KCNMA1: variants seen among roughly 807,000 people sequenced by gnomAD.
KCNMA1 encodes Calcium-activated potassium channel subunit alpha-1.
A neutral mutation model predicts 140.0 loss-of-function variants in KCNMA1; 29 were observed. The ratio of observed to expected loss-of-function variants is 0.21; its 90% CI spans 0.15 to 0.28. KCNMA1 has a LOEUF of 0.28. KCNMA1 is among the 10% of genes least tolerant of loss of function. KCNMA1 has a pLI of 1.00. For missense variants in KCNMA1, 880 were observed against 1,602.2 expected (o/e 0.55, Z 7.70); for synonymous variants, 612 against 611.9 (o/e 1.00, Z 0.00).
intron 1 of KCNMA1, among the ~76,000 whole-genome samples, chr10:77,415,388 G>T (rs1028831510): frequency 5.3e-5 from 8 of 152,176 alleles, no homozygotes; most frequent in Non-Finnish European, 1.2e-4. Context: ...GATGACCCTG[G>T]CAGGGTCCAA....
intron 1 of KCNMA1, among the ~76,000 whole-genome samples, chr10:77,427,742 T>C: frequency 6.6e-6 from 1 of 151,394 alleles, no homozygotes; most frequent in East Asian, 1.9e-4. Flanking sequence ...TATTTATTTA[T>C]TTATTTATTT....
At chr10:77,406,274 G>A (rs1221717300) in intron 1 of KCNMA1, among the ~76,000 whole-genome samples, 2 of 152,074 alleles carry the variant, frequency 1.3e-5, no homozygotes, top group Non-Finnish European at 2.9e-5. Context: ...GTAACTGAAG[G>A]TGTAGATTCG....
chr10:77,055,104 A>G (rs879127539), intron 14 of KCNMA1, among the ~76,000 whole-genome samples: 1 of 152,156 alleles, frequency 6.6e-6, no homozygotes, highest in Admixed American at 6.5e-5. Flanking sequence ...GGCTAAAGAG[A>G]TATCTGAGTT....
intron 1 of KCNMA1, among the ~76,000 whole-genome samples, chr10:77,536,357 C>A (rs907140651): frequency 1.3e-5 from 2 of 152,204 alleles, no homozygotes; most frequent in African/African-American, 4.8e-5. Flanking sequence ...TAGAATCAGA[C>A]AGCATGGGCT....
Position 76,969,989 on chromosome 10 carries a change from G to A in KCNMA1, c.2345C>T (p.Ser782Leu), listed in dbSNP as rs145067821. ...NGGMRNSPNTSPKLMRHDPLL... is the reference protein window; with the variant it reads ...NGGMRNSPNTLPKLMRHDPLL... Reference sequence around the variant, plus strand: ...CTCTCCTTACCTCATCAGCTTAGGCGAGGTGTTGGGTGAGTTCCGCATGCC... The same window carrying A: ...CTCTCCTTACCTCATCAGCTTAGGCAAGGTGTTGGGTGAGTTCCGCATGCC... The change falls in exon 20 of 28, where the codon TCG becomes TTG. Residue 782 changes from serine (S) to leucine (L), a missense_variant. Physicochemically the swap from Ser to Leu is moderately radical, Grantham distance 145. This residue lies in a region of KCNMA1 where 196 missense variants were observed against 233.0 expected (regional missense o/e 0.84). Transcript: ENST00000286628. 6 of 1,613,740 alleles carry A rather than the reference G, an allele frequency of 3.7e-6. No homozygotes were observed. In the African/African-American group the frequency reaches 5.3e-5, roughly 14 times the overall value.
chr10:77,235,572 T>G (rs1002953561), intron 3 of KCNMA1, among the ~76,000 whole-genome samples: 12 of 152,198 alleles, frequency 7.9e-5, no homozygotes, highest in Admixed American at 2.6e-4. Flanking sequence ...ACCCCTTTCC[T>G]CTTTCCTGTG....
At chr10:77,401,048 C>G (rs546273522) in intron 2 of KCNMA1, among the ~76,000 whole-genome samples, 1 of 152,042 alleles carries the variant, frequency 6.6e-6, no homozygotes, top group Non-Finnish European at 1.5e-5. Context: ...GTCCTATAGC[C>G]TCCAAGCTCT....
intron 1 of KCNMA1, among the ~76,000 whole-genome samples, chr10:77,624,390 A>G (rs1413336040): frequency 6.6e-6 from 1 of 152,212 alleles, no homozygotes; most frequent in Non-Finnish European, 1.5e-5. Context: ...AGAGTCACAA[A>G]AACCTATTTC....
intron 2 of KCNMA1, among the ~76,000 whole-genome samples, chr10:77,387,122 A>C (rs2095630249): frequency 6.6e-6 from 1 of 152,190 alleles, no homozygotes; most frequent in Admixed American, 6.5e-5. Flanking sequence ...GGACATAACA[A>C]ACAGGAAAAT....
intron 1 of KCNMA1, among the ~76,000 whole-genome samples, chr10:77,504,146 A>G (rs186138467): frequency 2.6e-4 from 39 of 152,292 alleles, no homozygotes; most frequent in African/African-American, 9.1e-4. Flanking sequence ...TGTTTCTTAC[A>G]CTGCCGCCAT....
chr10:77,550,886 C>T (rs1041642781), intron 1 of KCNMA1, among the ~76,000 whole-genome samples: 4 of 152,188 alleles, frequency 2.6e-5, no homozygotes, highest in African/African-American at 9.7e-5. Context: ...AGCTTCACCT[C>T]CCAGATGTAA....
At chr10:77,566,768 T>G (rs997256993) in intron 1 of KCNMA1, among the ~76,000 whole-genome samples, 1 of 152,146 alleles carries the variant, frequency 6.6e-6, no homozygotes, top group Non-Finnish European at 1.5e-5. Context: ...AGACCTACTT[T>G]CCAAATGTTC....
intron 3 of KCNMA1, among the ~76,000 whole-genome samples, chr10:77,221,395 C>T (rs2049616800): frequency 6.6e-6 from 1 of 152,034 alleles, no homozygotes; most frequent in African/African-American, 2.4e-5. Flanking sequence ...CATGAGCTAG[C>T]TGAAATTATA....
chr10:77,515,024 C>T (rs1450545818), intron 1 of KCNMA1, among the ~76,000 whole-genome samples: 2 of 152,164 alleles, frequency 1.3e-5, no homozygotes, highest in African/African-American at 2.4e-5. Flanking sequence ...GGCTCTCACC[C>T]GCTAGCTCTA....
intron 5 of KCNMA1, among the ~76,000 whole-genome samples, chr10:77,180,959 C>G (rs1473790412): frequency 6.6e-6 from 1 of 152,128 alleles, no homozygotes; most frequent in Non-Finnish European, 1.5e-5. Context: ...CTATGGATTT[C>G]AAAGCATACC....
At chr10:77,619,569 C>T (rs770721322) in intron 1 of KCNMA1, among the ~76,000 whole-genome samples, 15 of 152,068 alleles carry the variant, frequency 9.9e-5, no homozygotes, top group Non-Finnish European at 1.8e-4. Flanking sequence ...AGAGGATGAA[C>T]GTGAGGAGTC....
intron 9 of KCNMA1, among the ~76,000 whole-genome samples, chr10:77,098,141 T>C (rs1198059033): frequency 6.6e-6 from 1 of 152,184 alleles, no homozygotes; most frequent in East Asian, 1.9e-4. Context: ...TGGTGAGAAA[T>C]GATCACACAT....
downstream of KCNMA1, chr10:76,872,300 C>G (rs550885711): frequency 6.6e-6 from 1 of 152,186 alleles, no homozygotes. Flanking sequence ...GTGCTGCACA[C>G]GGTGAGTTGT....
intron 19 of KCNMA1, among the ~76,000 whole-genome samples, chr10:76,981,623 C>T (rs56815361): frequency 0.057 from 8,732 of 152,236 alleles, 283 homozygotes; most frequent in Non-Finnish European, 0.069. Flanking sequence ...TCACCAGGCT[C>T]TCCCACCATG....
Sources: gnomAD v4.1 joint callset for allele counts (sites outside exome capture counted in the v4.1 genomes callset) on GRCh38, gnomAD v4.1.1 for gene constraint, gnomAD v4.1.1 regional missense constraint, MANE v1.5 for transcripts, NCBI Gene and HGNC (gene_info 2026-07-23, HGNC 2026-07-21) for gene names.